CRHR1: variants seen among roughly 807,000 people sequenced by gnomAD.
The protein encoded by CRHR1 is corticotropin releasing hormone receptor 1.
Under a neutral mutation model 56.0 loss-of-function variants are expected in CRHR1, and 28 were observed. The ratio of observed to expected loss-of-function variants is 0.50; its 90% confidence interval spans 0.37 to 0.69. The LOEUF (loss-of-function observed/expected upper bound fraction) is 0.69. Ranked by LOEUF, CRHR1 falls within the 30% of genes least tolerant of loss-of-function variation. The pLI is 0.00. For missense variants in CRHR1, 376 were observed against 548.0 expected (o/e 0.69, Z 3.13); for synonymous variants, 195 against 216.5 (o/e 0.90, Z 0.87).
rs190680079 is a variant in CRHR1 at position 45,819,729 on chromosome 17, T to A, written c.242-1626T>A. ...GAGGCTCCCTGAGACTGCGGTCCAC[T>A]GACATGGAAGAGCTTTAAAAATCCA... is the stretch of plus-strand genomic sequence containing the variant. On this transcript the variant is annotated intron_variant, in intron 3 of 12. Coordinates refer to ENST00000314537, the MANE Select transcript of CRHR1 (RefSeq NM_004382.5). Among the ~76,000 whole-genome samples the A allele has an allele frequency of 4.9e-4, 75 of 152,300 alleles. 1 individual carries two copies. The East Asian group carries it at 0.013, about 26-fold the overall frequency.
chr17:45,797,144 C>A (rs927073824), intron 1 of CRHR1, among the ~76,000 whole-genome samples: 4 of 152,084 alleles, frequency 2.6e-5, no homozygotes, highest in African/African-American at 9.7e-5. Flanking sequence ...CCTGAGTGGG[C>A]AGGGGGCTGG....
At chr17:45,793,247 G>T (rs2061458072) in intron 1 of CRHR1, among the ~76,000 whole-genome samples, 3 of 152,268 alleles carry the variant, frequency 2.0e-5, no homozygotes, top group African/African-American at 7.2e-5. Flanking sequence ...AGCACTGGGG[G>T]CGTTGTCCAC....
At chr17:45,815,419 C>G (rs1002891392) in intron 2 of CRHR1, among the ~76,000 whole-genome samples, 1 of 152,330 alleles carries the variant, frequency 6.6e-6, no homozygotes, top group South Asian at 2.1e-4. Context: ...CTCTCTCTCT[C>G]GCGTGCTCTC....
At chr17:45,797,702 C>T (rs2061547293) in intron 1 of CRHR1, among the ~76,000 whole-genome samples, 1 of 152,132 alleles carries the variant, frequency 6.6e-6, no homozygotes, top group South Asian at 2.1e-4. Context: ...CGGTGATTCT[C>T]CCAAGGTCAC....
chr17:45,823,403 C>CTTTTTTTTTTTTTTTTTT (rs71138512), intron 4 of CRHR1, among the ~76,000 whole-genome samples: 1 of 100,602 alleles, frequency 9.9e-6, no homozygotes, highest in Non-Finnish European at 2.0e-5. Context: ...GGGACATTCC[C>CTTTTTTTTTTTTTTTTTT]TTTTTTTTTT....
At chr17:45,786,439 G>A (rs145712526) in intron 1 of CRHR1, among the ~76,000 whole-genome samples, 3 of 152,046 alleles carry the variant, frequency 2.0e-5, no homozygotes, top group East Asian at 3.9e-4. Flanking sequence ...AATTCACTGG[G>A]CATTATTCTA....
intron 2 of CRHR1, among the ~76,000 whole-genome samples, chr17:45,810,160 C>G (rs949808955): frequency 3.3e-5 from 5 of 152,040 alleles, no homozygotes; most frequent in African/African-American, 1.2e-4. Flanking sequence ...TGGTGGGCGC[C>G]TATAATCCCA....
chr17:45,793,263 C>T (rs966065441), intron 1 of CRHR1, among the ~76,000 whole-genome samples: 5 of 152,244 alleles, frequency 3.3e-5, no homozygotes, highest in East Asian at 1.9e-4. Flanking sequence ...TCCACGTGCA[C>T]GCAAGGGCAG....
At chr17:45,829,185 G>A (rs769540699) in intron 4 of CRHR1, 30 bp from the exon 5 acceptor site, 2 of 1,559,924 alleles carry the variant, frequency 1.3e-6, no homozygotes, top group South Asian at 2.3e-5. Flanking sequence ...CCAGCAGAAG[G>A]CTCACCTCTG....
At chr17:45,832,926 T>C (rs952060406) in intron 8 of CRHR1, among the ~76,000 whole-genome samples, 2 of 152,240 alleles carry the variant, frequency 1.3e-5, no homozygotes, top group Non-Finnish European at 2.9e-5. Context: ...CAACTTTGCA[T>C]CTCATCACAG....
intron 8 of CRHR1, among the ~76,000 whole-genome samples, chr17:45,832,858 C>A (rs1310648209): frequency 6.6e-6 from 1 of 152,260 alleles, no homozygotes; most frequent in African/African-American, 2.4e-5. Context: ...TGGGCCCATG[C>A]CCGTTCCCAG....
intron 12 of CRHR1, 69 bp from the exon 13 acceptor site, chr17:45,834,555 G>A: frequency 1.3e-6 from 2 of 1,531,534 alleles, no homozygotes; most frequent in South Asian, 2.5e-5. Flanking sequence ...AGCTGCTCGT[G>A]GCGGCCCAGG....
intron 1 of CRHR1, among the ~76,000 whole-genome samples, chr17:45,795,658 G>T (rs748189317): frequency 3.3e-5 from 5 of 152,112 alleles, no homozygotes; most frequent in Non-Finnish European, 5.9e-5. Flanking sequence ...TCACTGGAAC[G>T]CATTTAAAAA....
intron 2 of CRHR1, among the ~76,000 whole-genome samples, chr17:45,810,836 C>T (rs1023912025): frequency 3.3e-5 from 5 of 152,320 alleles, no homozygotes; most frequent in Non-Finnish European, 7.3e-5. Flanking sequence ...ATGAGGTGGC[C>T]GAGCAAAGAC....
intron 4 of CRHR1, chr17:45,827,739 G>A (rs2062196907): frequency 6.6e-6 from 1 of 152,266 alleles, no homozygotes; most frequent in Non-Finnish European, 1.5e-5. Flanking sequence ...CCCCAATGAG[G>A]GTGCTCCTTC....
At position 45,820,726 on chromosome 17, in the gene CRHR1, C is replaced by T. The variant is rs752897008; in HGVS notation, c.242-629C>T. On this transcript the variant is annotated intron_variant, in intron 3 of 12. Transcript: ENST00000314537. ...GGATGTTCCCCCCACCCACAGACCA[C>T]GACCTTCCAACACAGGCCCGCTATG... Among the ~76,000 whole-genome samples, 3 of 152,196 alleles carry T rather than the reference C, an allele frequency of 2.0e-5. No individual in the cohort carries two copies. In the East Asian group the frequency reaches 5.8e-4, roughly 29 times the overall value.
Position 45,819,318 on chromosome 17 carries a change from G to A in CRHR1, c.242-2037G>A, listed in dbSNP as rs542800019. Among the ~76,000 whole-genome samples, 35 of 152,314 alleles carry A rather than the reference G, an allele frequency of 2.3e-4. 1 individual carries two copies. The South Asian group carries it at 6.8e-3, about 30-fold the overall frequency. On this transcript the variant is annotated intron_variant, in intron 3 of 12. Transcript: ENST00000314537. ...ACAGAGGAGGAAGCTGACAGGTTTC[G>A]GGATTTGCCCAAGGTCACACAGCTA...
chr17:45,824,230 G>A (rs960107485), intron 4 of CRHR1, among the ~76,000 whole-genome samples: 1 of 152,176 alleles, frequency 6.6e-6, no homozygotes, highest in East Asian at 1.9e-4. Context: ...GGAGGTGGGA[G>A]GAAAGGAAAC....
intron 4 of CRHR1, chr17:45,827,971 C>A (rs540992667): frequency 6.6e-6 from 1 of 152,326 alleles, no homozygotes; most frequent in East Asian, 1.9e-4. Flanking sequence ...TTGCATGTCA[C>A]CCACCTTTGT....
Sources: gnomAD v4.1 joint callset for allele counts (sites outside exome capture counted in the v4.1 genomes callset) on GRCh38, gnomAD v4.1.1 for gene constraint, MANE v1.5 for transcripts, NCBI Gene and HGNC (gene_info 2026-07-23, HGNC 2026-07-21) for gene names.